Variants in GSKIP observed in about 807,000 individuals in gnomAD.
GSKIP encodes the protein GSK3B interacting protein.
A neutral mutation model predicts 11.9 loss-of-function variants in GSKIP; 5 were observed. That is an observed-to-expected ratio of 0.42 (90% CI 0.22 to 0.89). The LOEUF is 0.89. GSKIP is among the 40% of genes least tolerant of loss of function. The pLI is 0.29. For synonymous variants in GSKIP, 70 were observed against 62.9 expected (o/e 1.11, Z -0.54); for missense variants, 150 against 166.6 (o/e 0.90, Z 0.55).
chr14:96,368,431 A>G (rs921706356), intron 1 of GSKIP, among the ~76,000 whole-genome samples: 43 of 152,152 alleles, frequency 2.8e-4, no homozygotes, highest in African/African-American at 1.0e-3. Context: ...TGGCCTCCCA[A>G]AGTGCTGGGA....
chr14:96,378,022 C>G (rs541055317), intron 1 of GSKIP, among the ~76,000 whole-genome samples: 1 of 152,332 alleles, frequency 6.6e-6, no homozygotes, highest in Admixed American at 6.5e-5. Context: ...AGCATGTAAA[C>G]TGCTTAGCAC....
At chr14:96,373,164 G>A (rs143500581) in intron 1 of GSKIP, among the ~76,000 whole-genome samples, 22 of 148,462 alleles carry the variant, frequency 1.5e-4, no homozygotes, top group Middle Eastern at 7.2e-3. Flanking sequence ...CAGAAGGCCC[G>A]GATTGCAGTG....
chr14:96,369,803 G>A (rs978747067), intron 1 of GSKIP, among the ~76,000 whole-genome samples: 4 of 152,162 alleles, frequency 2.6e-5, no homozygotes, highest in Non-Finnish European at 5.9e-5. Context: ...AAGCAGAAAT[G>A]TGGTGTTGGA....
intron 1 of GSKIP, among the ~76,000 whole-genome samples, chr14:96,373,409 C>G (rs928435984): frequency 1.3e-5 from 2 of 152,032 alleles, no homozygotes; most frequent in Non-Finnish European, 2.9e-5. Context: ...CACTCCCACT[C>G]AGTGTCTAAA....
At chr14:96,373,392 C>T (rs1889109821) in intron 1 of GSKIP, among the ~76,000 whole-genome samples, 1 of 151,972 alleles carries the variant, frequency 6.6e-6, no homozygotes, top group Non-Finnish European at 1.5e-5. Flanking sequence ...AGTGTTGTGC[C>T]AGTTTACACT....
intron 1 of GSKIP, among the ~76,000 whole-genome samples, chr14:96,377,937 T>G (rs1889245453): frequency 6.6e-6 from 1 of 152,218 alleles, no homozygotes; most frequent in African/African-American, 2.4e-5. Flanking sequence ...ATACAAAGCA[T>G]GAAACCTATG....
At chr14:96,368,187 T>C (rs1035111271) in intron 1 of GSKIP, among the ~76,000 whole-genome samples, 6 of 150,458 alleles carry the variant, frequency 4.0e-5, no homozygotes, top group African/African-American at 7.3e-5. Context: ...TGCTACTCTT[T>C]TTTTTTTTTT....
At chr14:96,365,048 C>T (rs1888836533) in intron 1 of GSKIP, 1 of 151,954 alleles carries the variant, frequency 6.6e-6, no homozygotes, top group Admixed American at 6.6e-5. Context: ...TATTGATTGC[C>T]TTCTGTGTGC....
intron 1 of GSKIP, among the ~76,000 whole-genome samples, chr14:96,373,341 G>A (rs1250411552): frequency 6.6e-6 from 1 of 151,720 alleles, no homozygotes; most frequent in East Asian, 1.9e-4. Flanking sequence ...CTAAGTTGCT[G>A]GATCTTCATC....
At chr14:96,372,622 T>C (rs1465598490) in intron 1 of GSKIP, among the ~76,000 whole-genome samples, 1 of 152,214 alleles carries the variant, frequency 6.6e-6, no homozygotes, top group Non-Finnish European at 1.5e-5. Context: ...ATGGTAAAAG[T>C]TGGTTCAGAG....
chr14:96,363,662 G>A (rs1888766404), intron 1 of GSKIP, 94 bp downstream of exon 1: 1 of 152,248 alleles, frequency 6.6e-6, no homozygotes, highest in African/African-American at 2.4e-5. Flanking sequence ...CTTCCGGATG[G>A]GGACGCGACG....
chr14:96,382,799 G>A (rs1013455241), intron 3 of GSKIP, among the ~76,000 whole-genome samples: 2 of 152,146 alleles, frequency 1.3e-5, no homozygotes, highest in African/African-American at 2.4e-5. Flanking sequence ...GTGTTCACCA[G>A]AATTATACAT....
intron 2 of GSKIP, among the ~76,000 whole-genome samples, chr14:96,381,192 T>C (rs1889336212): frequency 6.6e-6 from 1 of 152,192 alleles, no homozygotes; most frequent in South Asian, 2.1e-4. Flanking sequence ...ACAATACATA[T>C]AGCCAGGAAG....
intron 3 of GSKIP, 53 bp downstream of exon 3, chr14:96,382,558 A>G: frequency 7.1e-7 from 1 of 1,402,598 alleles, no homozygotes; most frequent in Non-Finnish European, 9.8e-7. Context: ...TTACCACTTT[A>G]TCAAAAAGAG....
chr14:96,374,927 T>C (rs1395469148), intron 1 of GSKIP, among the ~76,000 whole-genome samples: 1 of 151,700 alleles, frequency 6.6e-6, no homozygotes, highest in Non-Finnish European at 1.5e-5. Context: ...ATATTACATA[T>C]AAAAAGACTT....
chr14:96,380,722 T>TCCC (rs1333715461), intron 2 of GSKIP, among the ~76,000 whole-genome samples: 1 of 152,018 alleles, frequency 6.6e-6, no homozygotes, highest in Non-Finnish European at 1.5e-5. Flanking sequence ...AAGAGCCAGG[T>TCCC]GTGGTGGCTT....
At chr14:96,384,900 T>A (rs2139946309) in intron 3 of GSKIP, 1 of 152,112 alleles carries the variant, frequency 6.6e-6, no homozygotes, top group African/African-American at 2.4e-5. Context: ...ATATATTAGG[T>A]GAAAGTGGCC....
intron 1 of GSKIP, among the ~76,000 whole-genome samples, chr14:96,372,576 A>G (rs1889079271): frequency 6.6e-6 from 1 of 152,262 alleles, no homozygotes; most frequent in Non-Finnish European, 1.5e-5. Context: ...GCATGTGTCA[A>G]AATGCATTTA....
intron 1 of GSKIP, among the ~76,000 whole-genome samples, chr14:96,368,072 A>G (rs142151944): frequency 1.0e-3 from 152 of 151,992 alleles, no homozygotes; most frequent in African/African-American, 3.4e-3. Flanking sequence ...AAGAAACTGT[A>G]ATAACTGGAA....
Sources: allele counts gnomAD v4.1 joint callset (sites outside exome capture counted in the v4.1 genomes callset), GRCh38; gene constraint gnomAD v4.1.1; transcripts MANE v1.5; gene names NCBI Gene and HGNC (gene_info 2026-07-23, HGNC 2026-07-21).